HID1: variants seen among roughly 807,000 people sequenced by gnomAD.
HID1 encodes HID1 domain containing, also known as protein HID1.
Under a neutral mutation model 89.7 loss-of-function variants are expected in HID1, and 42 were observed. That is an observed-to-expected ratio of 0.47 (90% CI 0.37 to 0.61). HID1 has a LOEUF of 0.61. Ranked by LOEUF, HID1 falls within the 20% of genes least tolerant of loss-of-function variation. HID1 has a pLI of 0.00. For synonymous variants in HID1, 442 were observed against 433.8 expected (o/e 1.02, Z -0.24); for missense variants, 854 against 1,039.3 (o/e 0.82, Z 2.45).
chr17:74,956,469 T>C lies in HID1; in HGVS notation c.1472-513A>G, dbSNP rs569452581. Among the ~76,000 whole-genome samples, 23 of 152,238 alleles carry C rather than the reference T, an allele frequency of 1.5e-4. No homozygotes were observed. In the South Asian group the frequency reaches 3.3e-3, roughly 22 times the overall value. ...GAAGTTCCATGCTGATCTGAACACT[T>C]CCTTGTCTTGTGTCATTTTCCCTCA... On this transcript the variant is annotated intron_variant, in intron 12 of 18. Transcript: ENST00000425042.
rs969103687 is a variant in HID1 at position 74,951,569 on chromosome 17, C to T, written c.*1G>A. 5 of 1,610,722 alleles carry T rather than the reference C, an allele frequency of 3.1e-6. No individual in the cohort carries two copies. Among genetic ancestry groups the T allele is most frequent in the Non-Finnish European group, 4.2e-6 (5 of 1,178,738 alleles). ...GACTGAGCCCCTCGTCGGCTTCATC[C>T]TCACACCCGCTGTATCTCAAACAGC... is the stretch of plus-strand genomic sequence containing the variant. On this transcript the variant is annotated 3_prime_UTR_variant, in exon 19 of 19. Coordinates refer to ENST00000425042, the MANE Select transcript of HID1 (RefSeq NM_030630.3).
chr17:74,964,455 G>A (rs1291974236), intron 2 of HID1, 28 bp downstream of exon 2: 5 of 1,598,218 alleles, frequency 3.1e-6, no homozygotes, highest in Non-Finnish European at 3.4e-6. Flanking sequence ...GGGTGGAAGA[G>A]TAGCAGGAGG....
chr17:74,969,176 G>C (rs1165049214), intron 1 of HID1, among the ~76,000 whole-genome samples: 3 of 151,942 alleles, frequency 2.0e-5, no homozygotes, highest in Non-Finnish European at 2.9e-5. Flanking sequence ...GCCCGCCCAA[G>C]GAAGCTTCTA....
At position 74,953,094 on chromosome 17, in the gene HID1, C is replaced by A; in HGVS notation, c.1972-8G>T. The A allele has an allele frequency of 6.2e-7, 1 of 1,600,210 alleles. No individual in the cohort carries two copies. Among genetic ancestry groups the A allele is most frequent in the Non-Finnish European group, 8.5e-7 (1 of 1,174,588 alleles). Reference sequence around the variant, plus strand: ...CCATGCCTGGCTGGGCTCCTGGCCCCCAGAAAGGAACAGGGGTGAGGGATG... The same window carrying A: ...CCATGCCTGGCTGGGCTCCTGGCCCACAGAAAGGAACAGGGGTGAGGGATG... On this transcript the variant is annotated splice_polypyrimidine_tract_variant and splice_region_variant and intron_variant, in intron 15 of 18. Transcript: ENST00000425042.
Position 74,951,985 on chromosome 17 carries a change from G to C in HID1, c.2223C>G (p.Pro741=). ...TLVGLLPVPH[P]ILIRKYQANS... is the part of the protein sequence containing the mutation. Reference sequence around the variant, plus strand: ...TGGCCTGGTACTTGCGGATGAGGATGGGGTGGGGCACGGGCAGCAGCCCCA... The same window carrying C: ...TGGCCTGGTACTTGCGGATGAGGATCGGGTGGGGCACGGGCAGCAGCCCCA... The change falls in exon 18 of 19, where the codon CCC becomes CCG. Residue 741 remains proline (P), a synonymous_variant. Coordinates refer to ENST00000425042, the MANE Select transcript of HID1 (RefSeq NM_030630.3). The C allele has an allele frequency of 3.2e-6, 5 of 1,563,126 alleles. No individual in the cohort carries two copies. The highest frequency in any genetic ancestry group is 2.6e-6 in the Non-Finnish European group (3 of 1,153,698).
At chr17:74,957,319 C>A (rs1303138839) in intron 12 of HID1, among the ~76,000 whole-genome samples, 16 of 139,682 alleles carry the variant, frequency 1.1e-4, no homozygotes, top group Non-Finnish European at 9.3e-5. Flanking sequence ...ACTAAAAATA[C>A]AAAAAAAAAA....
In HID1 at chr17:74,958,156, T is replaced by G; in HGVS notation, c.1456A>C (p.Thr486Pro). 1 of 1,609,482 alleles carries G rather than the reference T, an allele frequency of 6.2e-7. No homozygotes were observed. Among genetic ancestry groups the G allele is most frequent in the Non-Finnish European group, 8.5e-7 (1 of 1,178,322 alleles). The change falls in exon 12 of 19, where the codon ACC becomes CCC. Residue 486 changes from threonine to proline, a missense_variant. Physicochemically the swap from Thr to Pro is conservative, Grantham distance 38. Transcript: ENST00000425042. The surrounding 1 kb of genome is among the most constrained non-coding windows in gnomAD (Gnocchi z 5.2). ...GGGCCCCTACCGTTGACCACGATGG[T>G]GAGCAGGCAGTCGAAGAGGGGCTGC... ...RLQPLFDCLL[T>P]IVVNVSPYLK...
chr17:74,956,735 A>G (rs2144805484), intron 12 of HID1, among the ~76,000 whole-genome samples: 1 of 152,290 alleles, frequency 6.6e-6, no homozygotes, highest in East Asian at 1.9e-4. Context: ...CATCCTCTCC[A>G]AAAGATGTTC....
At chr17:74,952,461 GT>G in intron 16 of HID1, 101 bp from the exon 17 acceptor site, 1 of 781,844 alleles carries the variant, frequency 1.3e-6, no homozygotes, top group Non-Finnish European at 2.2e-6. Context: ...AAGGCAGAAA[GT>G]ACCCCTGCTC....
Position 74,960,194 on chromosome 17 carries a change from A to C in HID1, c.783T>G (p.Pro261=). ...SLLNTVCAYD[P]VGYGIPYNHL... Reference sequence around the variant, plus strand: ...GGTTGTAGGGGATCCCGTAGCCCACAGGGTCATAGGCACACACGGTGTTGA... The same window carrying C: ...GGTTGTAGGGGATCCCGTAGCCCACCGGGTCATAGGCACACACGGTGTTGA... Residue 261 remains proline, a synonymous_variant, in exon 7 of 19, where the codon CCT becomes CCG. Coordinates refer to ENST00000425042, the MANE Select transcript of HID1 (RefSeq NM_030630.3). 6.2e-7 allele frequency: 1 copy of C among 1,613,696 alleles called. No individual in the cohort carries two copies. The highest frequency in any genetic ancestry group is 8.5e-7 in the Non-Finnish European group (1 of 1,180,024).
chr17:74,964,117 T>C, intron 2 of HID1: 1 of 609,814 alleles, frequency 1.6e-6, no homozygotes, highest in Non-Finnish European at 2.9e-6. Flanking sequence ...CCAGAGCAGC[T>C]TGGAGCATCA....
In HID1 at chr17:74,958,938, G is replaced by C; in HGVS notation, c.1122C>G (p.Leu374=). 1 of 1,602,610 alleles carries C rather than the reference G, an allele frequency of 6.2e-7. No homozygotes were observed. The highest frequency in any genetic ancestry group is 8.5e-7 in the Non-Finnish European group (1 of 1,175,752). The change falls in exon 9 of 19, where the codon CTC becomes CTG. Residue 374 remains leucine, a synonymous_variant. Coordinates refer to ENST00000425042, the MANE Select transcript of HID1 (RefSeq NM_030630.3). This position sits in a 1 kb window ranked among gnomAD's most constrained non-coding sequence, Gnocchi z 5.2. The part of the protein sequence containing the change: ...KIQFHQELLV[L]FWKLCDFNKK... ...TGTTGAAGTCGCAGAGCTTCCAGAAGAGAACTAGCAGCTCCTGGTGGAACT... is the reference window on the plus strand; with the variant it reads ...TGTTGAAGTCGCAGAGCTTCCAGAACAGAACTAGCAGCTCCTGGTGGAACT...
At chr17:74,952,222 AC>A (rs760990866) in intron 17 of HID1, 46 bp downstream of exon 17, 3 of 1,560,952 alleles carry the variant, frequency 1.9e-6, no homozygotes. Context: ...CCCGCCCACA[AC>A]CCCGGCCCCG....
intron 6 of HID1, among the ~76,000 whole-genome samples, chr17:74,960,675 G>T (rs529187073): frequency 2.1e-4 from 32 of 152,356 alleles, no homozygotes; most frequent in Non-Finnish European, 4.1e-4. Flanking sequence ...GCCTGATAAG[G>T]CTGGTGAGAA....
At position 74,953,584 on chromosome 17, in the gene HID1, C is replaced by T; in HGVS notation, c.1932G>A (p.Glu644=). ...EDGTLRSLEP[E]PQQSLEDGSP... ...TGCCATCCTCCAAGCTCTGCTGGGG[C>T]TCAGGTTCCAGGGACCGCAAGGTGC... is the stretch of plus-strand genomic sequence containing the variant. Residue 644 remains glutamate, a synonymous_variant, in exon 15 of 19, where the codon GAG becomes GAA. Transcript: ENST00000425042. 6.2e-7 allele frequency: 1 copy of T among 1,614,092 alleles called. No individual in the cohort carries two copies. The highest frequency in any genetic ancestry group is 1.1e-5 in the South Asian group (1 of 91,080).
In HID1 at chr17:74,958,391, T is replaced by C. The variant is rs966437441; in HGVS notation, c.1328A>G (p.Tyr443Cys). The change falls in exon 11 of 19, where the codon TAC (tyrosine) becomes TGC (cysteine). Residue 443 changes from tyrosine to cysteine, a missense_variant. Tyr to Cys is a radical substitution (Grantham distance 194). Coordinates refer to ENST00000425042, the MANE Select transcript of HID1 (RefSeq NM_030630.3). This position sits in a 1 kb window ranked among gnomAD's most constrained non-coding sequence, Gnocchi z 5.2. ...RNFGVRLNKP[Y>C]SIRVPMDIPV... is the part of the protein sequence containing the mutation. The stretch of plus-strand genomic sequence containing the variant: ...GATGTCCATGGGCACGCGGATTGAG[T>C]AGGGTTTGTTCAGCCGCACCCCGAA... The C allele has an allele frequency of 3.1e-6, 5 of 1,611,418 alleles. No individual in the cohort carries two copies. Among genetic ancestry groups the C allele is most frequent in the Non-Finnish European group, 4.2e-6 (5 of 1,178,992 alleles).
intron 6 of HID1, among the ~76,000 whole-genome samples, chr17:74,961,166 G>A (rs957219529): frequency 1.3e-5 from 2 of 152,186 alleles, no homozygotes; most frequent in Non-Finnish European, 2.9e-5. Context: ...TATGAAAAGG[G>A]GGATGTCAAA....
In HID1 at chr17:74,958,380, C is replaced by A. The variant is rs778617545; in HGVS notation, c.1339G>T (p.Val447Leu). 5.6e-6 allele frequency: 9 copies of A among 1,612,482 alleles called. No individual in the cohort carries two copies. The South Asian group carries it at 8.8e-5, about 16-fold the overall frequency. ...GTGAAGACTGGGATGTCCATGGGCACGCGGATTGAGTAGGGTTTGTTCAGC... is the reference window on the plus strand; with the variant it reads ...GTGAAGACTGGGATGTCCATGGGCAAGCGGATTGAGTAGGGTTTGTTCAGC... The part of the protein sequence containing the change: ...VRLNKPYSIR[V>L]PMDIPVFTGT... Residue 447 changes from valine (V) to leucine (L), a missense_variant, in exon 11 of 19, where the codon GTG (valine) becomes TTG (leucine). Transcript: ENST00000425042. The surrounding 1 kb of genome is among the most constrained non-coding windows in gnomAD (Gnocchi z 5.2).
In HID1 at chr17:74,959,020, C is replaced by T. The variant is rs750214001; in HGVS notation, c.1040G>A (p.Arg347Gln). ...CTGGAGCAGGGGGTTGGACAGCAGCCGGGCTATACCCTTGAGGATGAACTG... is the reference window on the plus strand; with the variant it reads ...CTGGAGCAGGGGGTTGGACAGCAGCTGGGCTATACCCTTGAGGATGAACTG... ...DFQFILKGIA[R>Q]LLSNPLLQTY... is the part of the protein sequence containing the mutation. The change falls in exon 9 of 19, where the codon CGG (arginine) becomes CAG (glutamine). Residue 347 changes from arginine (R) to glutamine (Q), a missense_variant. Coordinates refer to ENST00000425042, the MANE Select transcript of HID1 (RefSeq NM_030630.3). This position sits in a 1 kb window ranked among gnomAD's most constrained non-coding sequence, Gnocchi z 4.6. The T allele has an allele frequency of 3.5e-5, 56 of 1,587,232 alleles. No homozygotes were observed. Among genetic ancestry groups the T allele is most frequent in the South Asian group, 3.4e-4 (30 of 87,562 alleles).
Sources: gnomAD v4.1 joint callset for allele counts (sites outside exome capture counted in the v4.1 genomes callset) on GRCh38, gnomAD v4.1.1 for gene constraint, Gnocchi (gnomAD v3.1) non-coding constraint, MANE v1.5 for transcripts, NCBI Gene and HGNC (gene_info 2026-07-23, HGNC 2026-07-21) for gene names.